The following MEGF11 variants were observed in gnomAD, a reference collection of about 807,000 sequenced individuals.
MEGF11 encodes multiple EGF like domains 11, also known as multiple epidermal growth factor-like domains protein 11.
MEGF11 carries 126 observed loss-of-function variants against 146.6 expected under a neutral mutation model. That is an observed-to-expected ratio of 0.86 (90% CI 0.74 to 1.00). MEGF11 has a LOEUF of 1.00. Among genes scored for constraint, MEGF11 ranks in the 50% least tolerant of loss-of-function variants. The pLI is 0.00. For synonymous variants in MEGF11, 532 were observed against 583.4 expected, an observed-to-expected ratio of 0.91 and a Z score of 1.27; for missense variants, 1,509 against 1,521.2, an observed-to-expected ratio of 0.99 and a Z score of 0.13.
chr15:66,233,951 C>CTT lies in MEGF11; in HGVS notation c.-9+19652_-9+19653dup, dbSNP rs57240560. ...GTCATTTCTTTTTTTTTTTCTTTTT[C>CTT]TTTTTTTTTTTTTTTTGAGATGGTG... On this transcript the variant is annotated intron_variant, in intron 1 of 25. Transcript: ENST00000395614. 7.5e-3 allele frequency among the ~76,000 whole-genome samples: 897 copies of CTT among 119,878 alleles called. 10 individuals are homozygous for CTT. Among genetic ancestry groups the CTT allele is most frequent in the East Asian group, 0.011 (45 of 4,186 alleles). 78.6% of individuals were successfully genotyped at this position (119,878 alleles called of 152,430 possible).
chr15:66,008,382 C>A (rs1049287289), intron 5 of MEGF11, among the ~76,000 whole-genome samples: 1 of 147,718 alleles, frequency 6.8e-6, no homozygotes, highest in Admixed American at 7.0e-5. Flanking sequence ...AAGTCATTCA[C>A]GATGAAACAC....
chr15:66,221,115 A>T (rs570949477), intron 1 of MEGF11, among the ~76,000 whole-genome samples: 17 of 152,066 alleles, frequency 1.1e-4, no homozygotes, highest in East Asian at 1.9e-4. Context: ...TTTCAAATTT[A>T]AAAAAAAATT....
chr15:65,923,672 T>C lies in MEGF11; in HGVS notation c.1676-703A>G, dbSNP rs559255503. On this transcript the variant is annotated intron_variant, in intron 13 of 25. Transcript: ENST00000395614. ...ATGTATTCGATTTCAGCTTTTAAAATGCTAGTTGTAACCCAACAATTTGAT... is the reference window on the plus strand; with the variant it reads ...ATGTATTCGATTTCAGCTTTTAAAACGCTAGTTGTAACCCAACAATTTGAT... 1.1e-4 allele frequency among the ~76,000 whole-genome samples: 17 copies of C among 152,366 alleles called. No homozygotes were observed. In the East Asian group the frequency reaches 3.3e-3, roughly 29 times the overall value.
chr15:66,213,710 C>T (rs541466218), intron 1 of MEGF11, among the ~76,000 whole-genome samples: 1 of 151,996 alleles, frequency 6.6e-6, no homozygotes, highest in Non-Finnish European at 1.5e-5. Context: ...AGCCACCACA[C>T]CCAGCCTTAA....
chr15:65,991,497 T>G (rs1294424565), intron 5 of MEGF11, among the ~76,000 whole-genome samples: 1 of 152,156 alleles, frequency 6.6e-6, no homozygotes, highest in African/African-American at 2.4e-5. Context: ...TGGGGAACCA[T>G]CCTGTGCATT....
chr15:66,137,559 CTT>C (rs10647289), intron 1 of MEGF11, among the ~76,000 whole-genome samples: 16 of 142,118 alleles, frequency 1.1e-4, no homozygotes, highest in Admixed American at 1.4e-4. Flanking sequence ...GACTTTCTTT[CTT>C]TTTTTTTTTT....
chr15:66,106,957 A>G (rs1334138392), intron 4 of MEGF11, among the ~76,000 whole-genome samples: 5 of 152,262 alleles, frequency 3.3e-5, no homozygotes, highest in Middle Eastern at 3.4e-3. Flanking sequence ...CAGCAACTAC[A>G]GGGTTAACAG....
chr15:66,081,011 C>T (rs930817000), intron 5 of MEGF11, among the ~76,000 whole-genome samples: 2 of 152,214 alleles, frequency 1.3e-5, no homozygotes, highest in Non-Finnish European at 1.5e-5. Flanking sequence ...AAAAACAACT[C>T]GAGAGAGAGC....
intron 1 of MEGF11, among the ~76,000 whole-genome samples, chr15:66,211,600 G>A (rs562818430): frequency 3.3e-5 from 5 of 151,220 alleles, no homozygotes; most frequent in South Asian, 2.1e-4. Flanking sequence ...GCCAGTCACC[G>A]TTCCCTCCCC....
intron 1 of MEGF11, among the ~76,000 whole-genome samples, chr15:66,138,970 TG>T (rs2089020225): frequency 6.6e-6 from 1 of 151,738 alleles, no homozygotes; most frequent in Non-Finnish European, 1.5e-5. Flanking sequence ...CTCCCGGGGG[TG>T]GGGCAAGTCT....
Position 65,984,137 on chromosome 15 carries a change from T to C in MEGF11, c.395-1649A>G, listed in dbSNP as rs2081760356. The stretch of plus-strand genomic sequence containing the variant: ...ACACACAAACTGAACTGCCAAGTTA[T>C]GAGTGAGTCTCACCCTATATTTTCC... On this transcript the variant is annotated intron_variant, in intron 5 of 25. Coordinates refer to ENST00000395614, the MANE Select transcript of MEGF11 (RefSeq NM_001385028.1). Among the ~76,000 whole-genome samples the C allele has an allele frequency of 2.6e-5, 4 of 152,322 alleles. No individual in the cohort carries two copies. The South Asian group carries it at 8.3e-4, about 32-fold the overall frequency.
intron 10 of MEGF11, among the ~76,000 whole-genome samples, chr15:65,932,461 G>T (rs991455722): frequency 1.9e-4 from 27 of 138,506 alleles, no homozygotes; most frequent in Non-Finnish European, 3.5e-4. Context: ...TGGACGAGGG[G>T]CAAGTTACAG....
intron 1 of MEGF11, among the ~76,000 whole-genome samples, chr15:66,225,290 A>C (rs556693599): frequency 6.6e-6 from 1 of 152,368 alleles, no homozygotes; most frequent in African/African-American, 2.4e-5. Flanking sequence ...TGCCTGAAAA[A>C]GAGGCCTCTT....
intron 10 of MEGF11, among the ~76,000 whole-genome samples, chr15:65,951,861 G>T (rs2080415553): frequency 6.6e-6 from 1 of 151,882 alleles, no homozygotes; most frequent in African/African-American, 2.4e-5. Flanking sequence ...AAATAGCTGG[G>T]CATGGTGGTA....
At chr15:66,168,746 G>A (rs1231287327) in intron 1 of MEGF11, among the ~76,000 whole-genome samples, 1 of 152,234 alleles carries the variant, frequency 6.6e-6, no homozygotes, top group Non-Finnish European at 1.5e-5. Context: ...AGGCCCAGGT[G>A]GGTGGATCAC....
intron 5 of MEGF11, among the ~76,000 whole-genome samples, chr15:66,046,338 A>G (rs2084202034): frequency 6.6e-6 from 1 of 152,214 alleles, no homozygotes; most frequent in Admixed American, 6.5e-5. Flanking sequence ...AATATCCCAC[A>G]TAGCCTTTGA....
intron 15 of MEGF11, among the ~76,000 whole-genome samples, chr15:65,918,751 T>C (rs2079081809): frequency 6.6e-6 from 1 of 152,266 alleles, no homozygotes; most frequent in Non-Finnish European, 1.5e-5. Context: ...CAGACCTTCC[T>C]GGAGGAGTCA....
chr15:65,944,366 A>C (rs1217576959), intron 10 of MEGF11, among the ~76,000 whole-genome samples: 1 of 152,206 alleles, frequency 6.6e-6, no homozygotes, highest in Non-Finnish European at 1.5e-5. Flanking sequence ...GTGCACCAGC[A>C]GGATGTGGCT....
intron 3 of MEGF11, among the ~76,000 whole-genome samples, chr15:66,122,464 T>C (rs1320455084): frequency 6.6e-6 from 1 of 152,166 alleles, no homozygotes; most frequent in African/African-American, 2.4e-5. Flanking sequence ...TTCTCATCTA[T>C]GTTGCCGCCC....
Sources: allele counts gnomAD v4.1 joint callset (sites outside exome capture counted in the v4.1 genomes callset), GRCh38; gene constraint gnomAD v4.1.1; transcripts MANE v1.5; gene names NCBI Gene and HGNC (gene_info 2026-07-23, HGNC 2026-07-21).